ARHGAP24: variants seen among roughly 807,000 people sequenced by gnomAD.
ARHGAP24 encodes Rho GTPase activating protein 24.
In ARHGAP24, 50 loss-of-function variants were observed where a neutral mutation model predicts 76.4. The ratio of observed to expected loss-of-function variants is 0.65; its 90% confidence interval spans 0.52 to 0.83. The LOEUF is 0.83. ARHGAP24 is among the 40% of genes least tolerant of loss of function. The probability of loss-of-function intolerance (pLI) is 0.00; values close to 1 mark genes in which losing one functional copy is unlikely to be tolerated. For missense variants in ARHGAP24, 930 were observed against 914.2 expected (o/e 1.02, Z -0.22); for synonymous variants, 345 against 323.3 (o/e 1.07, Z -0.72).
At chr4:85,615,811 A>G (rs1720521266) in intron 2 of ARHGAP24, among the ~76,000 whole-genome samples, 1 of 152,228 alleles carries the variant, frequency 6.6e-6, no homozygotes, top group African/African-American at 2.4e-5. Flanking sequence ...TTTTCAATCA[A>G]TAAGTTTTCA....
chr4:85,484,853 G>A (rs1722957171), intron 1 of ARHGAP24, among the ~76,000 whole-genome samples: 1 of 152,034 alleles, frequency 6.6e-6, no homozygotes. Context: ...CTGACCTCAA[G>A]TCATCTGCCT....
intron 8 of ARHGAP24, among the ~76,000 whole-genome samples, chr4:85,982,235 A>G (rs1223088095): frequency 6.6e-6 from 1 of 151,952 alleles, no homozygotes; most frequent in Admixed American, 6.6e-5. Flanking sequence ...TTGTTATTTG[A>G]GGAGAAATCT....
Position 85,817,042 on chromosome 4 carries a change from A to G in ARHGAP24, c.268+95070A>G, listed in dbSNP as rs550578396. 5.3e-5 allele frequency among the ~76,000 whole-genome samples: 8 copies of G among 152,222 alleles called. 1 individual carries two copies. The highest frequency in any genetic ancestry group is 5.2e-4 in the Admixed American group (8 of 15,280). ...AGTGATGTTGAATATCTTTTCATAT[A>G]TCTGTTGGCCATTTGTATATCTTCC... On this transcript the variant is annotated intron_variant, in intron 3 of 9. Transcript: ENST00000395184.
At chr4:85,747,485 C>T (rs1726088570) in intron 3 of ARHGAP24, among the ~76,000 whole-genome samples, 2 of 152,116 alleles carry the variant, frequency 1.3e-5, no homozygotes, top group Non-Finnish European at 1.5e-5. Flanking sequence ...GGGCGGATCA[C>T]GAGGTCAGGA....
intron 5 of ARHGAP24, among the ~76,000 whole-genome samples, chr4:85,959,201 A>G (rs145750154): frequency 4.3e-4 from 66 of 152,326 alleles, no homozygotes; most frequent in African/African-American, 1.5e-3. Context: ...TAGACCATAT[A>G]GGGTAACTTC....
At chr4:85,943,481 T>G (rs1305554231) in intron 5 of ARHGAP24, among the ~76,000 whole-genome samples, 10 of 152,132 alleles carry the variant, frequency 6.6e-5, no homozygotes. Context: ...TTATTATTCT[T>G]TAAGTTCTGG....
chr4:85,488,105 C>T (rs1446627884), intron 1 of ARHGAP24, among the ~76,000 whole-genome samples: 1 of 151,002 alleles, frequency 6.6e-6, no homozygotes, highest in East Asian at 2.0e-4. Flanking sequence ...TAAACTACTG[C>T]TTCTGTTCAG....
At chr4:85,541,118 G>C (rs1725670817) in intron 1 of ARHGAP24, among the ~76,000 whole-genome samples, 1 of 123,312 alleles carries the variant, frequency 8.1e-6, no homozygotes, top group Admixed American at 8.8e-5. Flanking sequence ...CAGGAGTCTT[G>C]TGTCTTCTGC....
intron 3 of ARHGAP24, among the ~76,000 whole-genome samples, chr4:85,748,340 T>C (rs1726131761): frequency 6.6e-6 from 1 of 152,216 alleles, no homozygotes; most frequent in Non-Finnish European, 1.5e-5. Flanking sequence ...CTCATACATA[T>C]GCCATGCTGG....
At chr4:85,986,926 T>C (rs1455716605) in intron 8 of ARHGAP24, among the ~76,000 whole-genome samples, 1 of 152,098 alleles carries the variant, frequency 6.6e-6, no homozygotes, top group African/African-American at 2.4e-5. Context: ...ATCTTTTAAA[T>C]GATCCAGTGG....
At chr4:85,963,880 A>C (rs1284186060) in intron 5 of ARHGAP24, among the ~76,000 whole-genome samples, 1 of 152,024 alleles carries the variant, frequency 6.6e-6, no homozygotes, top group Non-Finnish European at 1.5e-5. Flanking sequence ...ACTGATGATT[A>C]CCACTTATAT....
At chr4:85,621,487 T>G (rs902716066) in intron 2 of ARHGAP24, among the ~76,000 whole-genome samples, 1 of 152,088 alleles carries the variant, frequency 6.6e-6, no homozygotes, top group African/African-American at 2.4e-5. Flanking sequence ...GGTATCTCAT[T>G]GTTTTAATTA....
chr4:85,837,585 A>G (rs1364420067), intron 3 of ARHGAP24, among the ~76,000 whole-genome samples: 1 of 152,184 alleles, frequency 6.6e-6, no homozygotes, highest in African/African-American at 2.4e-5. Flanking sequence ...GCAAATGCTT[A>G]TAATAGCAAG....
intron 3 of ARHGAP24, among the ~76,000 whole-genome samples, chr4:85,912,454 T>C (rs560680761): frequency 3.9e-4 from 60 of 152,078 alleles, no homozygotes; most frequent in Non-Finnish European, 6.8e-4. Context: ...TTGCTTAAGA[T>C]AAAAAAAATT....
chr4:85,735,270 A>G (rs552949954), intron 3 of ARHGAP24, among the ~76,000 whole-genome samples: 1 of 152,308 alleles, frequency 6.6e-6, no homozygotes, highest in East Asian at 1.9e-4. Context: ...TTATAAAAAA[A>G]ATAATAATCT....
chr4:85,548,129 T>C (rs956993794), intron 1 of ARHGAP24, among the ~76,000 whole-genome samples: 3 of 152,182 alleles, frequency 2.0e-5, no homozygotes, highest in Non-Finnish European at 4.4e-5. Flanking sequence ...AGCCACTTCA[T>C]ATTAGTTTTT....
intron 3 of ARHGAP24, among the ~76,000 whole-genome samples, chr4:85,817,839 T>C (rs1729306162): frequency 6.6e-6 from 1 of 152,242 alleles, no homozygotes; most frequent in African/African-American, 2.4e-5. Flanking sequence ...CTGTATCTGA[T>C]ATTCCAACCA....
intron 2 of ARHGAP24, among the ~76,000 whole-genome samples, chr4:85,712,119 T>C (rs573934895): frequency 7.4e-4 from 113 of 152,298 alleles, no homozygotes; most frequent in African/African-American, 2.6e-3. Context: ...TGAGAAATAA[T>C]AAAAGTTGTA....
chr4:85,877,133 A>G (rs1052357237), intron 3 of ARHGAP24, among the ~76,000 whole-genome samples: 9 of 152,180 alleles, frequency 5.9e-5, no homozygotes, highest in Non-Finnish European at 1.5e-5. Context: ...TAATTGTGTT[A>G]CAAAATGGGG....
Sources: gnomAD v4.1 joint callset for allele counts (sites outside exome capture counted in the v4.1 genomes callset) on GRCh38, gnomAD v4.1.1 for gene constraint, MANE v1.5 for transcripts, NCBI Gene and HGNC (gene_info 2026-07-23, HGNC 2026-07-21) for gene names.